The following CLDN14 variants were observed in gnomAD, a reference collection of about 807,000 sequenced individuals.
CLDN14 encodes the protein claudin 14.
Under a neutral mutation model 2.1 loss-of-function variants are expected in CLDN14, and 2 were observed. The ratio of observed to expected loss-of-function variants is 0.96; its 90% CI spans 0.39 to 3.01. The LOEUF (loss-of-function observed/expected upper bound fraction) is 3.01. Ranked by LOEUF, CLDN14 falls within the 30% of genes most tolerant of loss-of-function variation. CLDN14 has a pLI of 0.09. For synonymous variants in CLDN14, 136 were observed against 154.4 expected (o/e 0.88, Z 0.88); for missense variants, 298 against 328.0 (o/e 0.91, Z 0.71).
At position 36,566,513 on chromosome 21, in the gene CLDN14, C is replaced by A. The variant is rs151112851; in HGVS notation, c.-220+9898G>T. Among the ~76,000 whole-genome samples, 553 of 152,254 alleles carry A rather than the reference C, an allele frequency of 3.6e-3. 5 individuals carry two copies. Among genetic ancestry groups the A allele is most frequent in the African/African-American group, 0.012 (507 of 41,518 alleles). On this transcript the variant is annotated intron_variant, in intron 1 of 2. Transcript: ENST00000342108. ...TGGTGACTTCTCAGTCGAACTGGAC[C>A]CATGCAATGACTCTGTCCTCTGAGT...
chr21:36,545,726 C>T (rs1190235627), intron 1 of CLDN14, among the ~76,000 whole-genome samples: 1 of 152,154 alleles, frequency 6.6e-6, no homozygotes, highest in Non-Finnish European at 1.5e-5. Context: ...AAGCTGGCAG[C>T]TCTGTGTGTA....
At chr21:36,507,326 C>T in intron 2 of CLDN14, among the ~76,000 whole-genome samples, 1 of 152,136 alleles carries the variant, frequency 6.6e-6, no homozygotes, top group East Asian at 1.9e-4. Context: ...CCATAAAACC[C>T]AGAGGAACAT....
rs541970674 is a variant in CLDN14, at chr21:36,498,210, A to G, written c.-82+12153T>C. On this transcript the variant is annotated intron_variant, in intron 2 of 2. Coordinates refer to the CLDN14 transcript ENST00000342108. The surrounding 1 kb of genome is among the most constrained non-coding windows in gnomAD (Gnocchi z 4.9). ...GAGATGGGGTTTTGCCATATTGGCC[A>G]GGCTGGTGTCGAACTCCTGACCTCA... 5.1e-4 allele frequency among the ~76,000 whole-genome samples: 78 copies of G among 152,270 alleles called. No individual in the cohort carries two copies. Among genetic ancestry groups the G allele is most frequent in the African/African-American group, 1.8e-3 (73 of 41,548 alleles).
At chr21:36,505,640 C>G (rs989765288) in intron 2 of CLDN14, among the ~76,000 whole-genome samples, 1 of 152,324 alleles carries the variant, frequency 6.6e-6, no homozygotes, top group African/African-American at 2.4e-5. Context: ...CCCAGCAGTT[C>G]GCCTGCCCAA....
intron 1 of CLDN14, among the ~76,000 whole-genome samples, chr21:36,540,030 G>A (rs2087474363): frequency 6.7e-6 from 1 of 149,590 alleles, no homozygotes; most frequent in Admixed American, 6.7e-5. Context: ...TATGTGTATG[G>A]TGTGGTGTGT....
At chr21:36,492,601 C>A (rs1305014423) in intron 2 of CLDN14, among the ~76,000 whole-genome samples, 1 of 152,012 alleles carries the variant, frequency 6.6e-6, no homozygotes. Context: ...TGCACTGCAG[C>A]CTAGGTGACA....
At chr21:36,494,137 C>T (rs1023306977) in intron 2 of CLDN14, among the ~76,000 whole-genome samples, 22 of 152,168 alleles carry the variant, frequency 1.4e-4, no homozygotes, top group African/African-American at 4.8e-4. Flanking sequence ...AGGCTGATGT[C>T]GGACTAGCCT....
At chr21:36,556,722 G>T (rs2087601502) in intron 1 of CLDN14, among the ~76,000 whole-genome samples, 1 of 152,108 alleles carries the variant, frequency 6.6e-6, no homozygotes, top group African/African-American at 2.4e-5. Flanking sequence ...CTCAACCAAT[G>T]GAATTGCATT....
intron 1 of CLDN14, among the ~76,000 whole-genome samples, chr21:36,465,401 C>T (rs764821701): frequency 6.6e-6 from 1 of 152,192 alleles, no homozygotes; most frequent in Admixed American, 6.5e-5. Context: ...TATTTTTAAA[C>T]GTGTGCTATA....
At chr21:36,566,676 C>T (rs1192101104) in intron 1 of CLDN14, among the ~76,000 whole-genome samples, 1 of 152,180 alleles carries the variant, frequency 6.6e-6, no homozygotes, top group Non-Finnish European at 1.5e-5. Flanking sequence ...ATGTGGGCAC[C>T]AGCAGGCTGC....
intron 2 of CLDN14, among the ~76,000 whole-genome samples, chr21:36,491,650 A>C (rs1365241784): frequency 6.6e-6 from 1 of 152,170 alleles, no homozygotes; most frequent in African/African-American, 2.4e-5. Context: ...AAATAAGCAA[A>C]TGGTCATAAA....
At chr21:36,519,570 T>TC (rs1376134618) in intron 1 of CLDN14, among the ~76,000 whole-genome samples, 1 of 151,918 alleles carries the variant, frequency 6.6e-6, no homozygotes, top group Non-Finnish European at 1.5e-5. Context: ...ATTAGCCCGG[T>TC]GTGGTGGCAC....
chr21:36,510,846 G>T (rs1162501536), intron 1 of CLDN14, among the ~76,000 whole-genome samples: 2 of 152,216 alleles, frequency 1.3e-5, no homozygotes, highest in East Asian at 3.8e-4. Context: ...TGTTGGGGAC[G>T]CCAGTAAAGG....
chr21:36,504,740 A>G lies in CLDN14; in HGVS notation c.-82+5623T>C, dbSNP rs538699352. Among the ~76,000 whole-genome samples the G allele has an allele frequency of 1.9e-3, 285 of 152,376 alleles. 1 individual carries two copies. The highest frequency in any genetic ancestry group is 8.1e-3 in the South Asian group (39 of 4,830). Reference sequence around the variant, plus strand: ...ACTAGTCTGCAGTGGGTTATAGAGAAGAGATGGTAACACTGATAGGAAGGC... The same window carrying G: ...ACTAGTCTGCAGTGGGTTATAGAGAGGAGATGGTAACACTGATAGGAAGGC... On this transcript the variant is annotated intron_variant, in intron 2 of 2. Transcript: ENST00000342108.
intron 1 of CLDN14, among the ~76,000 whole-genome samples, chr21:36,464,044 G>A (rs191629872): frequency 1.3e-5 from 2 of 152,328 alleles, no homozygotes; most frequent in East Asian, 3.9e-4. Context: ...AGTCCCCAGT[G>A]TTGGAGGAAG....
At chr21:36,488,792 G>A (rs1006850052) in intron 2 of CLDN14, among the ~76,000 whole-genome samples, 22 of 151,976 alleles carry the variant, frequency 1.4e-4, no homozygotes, top group African/African-American at 5.3e-4. Context: ...TCAAATGGCT[G>A]AAATAGCACA....
intron 1 of CLDN14, among the ~76,000 whole-genome samples, chr21:36,530,454 A>G (rs911807040): frequency 2.0e-5 from 3 of 152,262 alleles, no homozygotes; most frequent in African/African-American, 7.2e-5. Context: ...AGGCAGGTCA[A>G]CCAGCTTTTA....
At chr21:36,514,713 A>G in intron 1 of CLDN14, among the ~76,000 whole-genome samples, 1 of 146,260 alleles carries the variant, frequency 6.8e-6, no homozygotes, top group African/African-American at 2.5e-5. Flanking sequence ...AGGAGAGGAG[A>G]AGGGGGAGAA....
intron 1 of CLDN14, among the ~76,000 whole-genome samples, chr21:36,563,043 G>T (rs2087647564): frequency 6.6e-6 from 1 of 151,990 alleles, no homozygotes; most frequent in South Asian, 2.1e-4. Flanking sequence ...CATTCTTCAG[G>T]GGAGTCATAT....
Sources: allele counts gnomAD v4.1 joint callset (sites outside exome capture counted in the v4.1 genomes callset), GRCh38; gene constraint gnomAD v4.1.1; non-coding constraint Gnocchi (gnomAD v3.1); transcripts MANE v1.5; gene names NCBI Gene and HGNC (gene_info 2026-07-23, HGNC 2026-07-21).